The following CNTN4 variants were observed in gnomAD, a reference collection of about 807,000 sequenced individuals.
CNTN4 encodes the protein contactin 4.
A neutral mutation model predicts 122.5 loss-of-function variants in CNTN4; 77 were observed. That is an observed-to-expected ratio of 0.63 (90% CI 0.52 to 0.76). The LOEUF (loss-of-function observed/expected upper bound fraction) is 0.76, where lower values mean the gene tolerates loss of function less well. Among genes scored for constraint, CNTN4 ranks in the 30% least tolerant of loss-of-function variants. CNTN4 has a pLI of 0.00. For synonymous variants in CNTN4, 512 were observed against 447.0 expected (o/e 1.15, Z -1.83); for missense variants, 1,256 against 1,259.1 (o/e 1.00, Z 0.04).
At chr3:2,114,418 T>G (rs2727903) in intron 2 of CNTN4, among the ~76,000 whole-genome samples, 1 of 151,978 alleles carries the variant, frequency 6.6e-6, no homozygotes, top group African/African-American at 2.4e-5. Context: ...TGTGATCCTG[T>G]CACTGCACTC....
chr3:2,762,060 C>A (rs781429867), intron 6 of CNTN4, among the ~76,000 whole-genome samples: 5 of 152,128 alleles, frequency 3.3e-5, no homozygotes, highest in Non-Finnish European at 7.4e-5. Flanking sequence ...GATATGAAGT[C>A]TACATCCAGT....
Position 2,232,073 on chromosome 3 carries a change from G to A in CNTN4, c.-144-107105G>A, listed in dbSNP as rs141770822. ...ACACATGTACTTTTCTTAAACCTTC[G>A]TGAATATGACTCTCTTCTGAGACCT... is the stretch of plus-strand genomic sequence containing the variant. On this transcript the variant is annotated intron_variant, in intron 2 of 24. Transcript: ENST00000418658. 3.7e-4 allele frequency among the ~76,000 whole-genome samples: 56 copies of A among 152,058 alleles called. No homozygotes were observed. The Middle Eastern group carries it at 0.01, about 28-fold the overall frequency.
intron 19 of CNTN4, chr3:3,039,465 A>G (rs1699943976): frequency 5.7e-6 from 1 of 176,208 alleles, no homozygotes; most frequent in African/African-American, 2.4e-5. Flanking sequence ...CAATTTATTA[A>G]AAATTGGCTT....
At chr3:2,260,689 T>A (rs938987347) in intron 2 of CNTN4, among the ~76,000 whole-genome samples, 5 of 151,614 alleles carry the variant, frequency 3.3e-5, no homozygotes, top group East Asian at 3.9e-4. Flanking sequence ...CATTACAGAT[T>A]TAAGTTTTCT....
At chr3:2,455,720 C>G (rs4539922) in intron 3 of CNTN4, among the ~76,000 whole-genome samples, 2 of 151,838 alleles carry the variant, frequency 1.3e-5, no homozygotes, top group Non-Finnish European at 2.9e-5. Flanking sequence ...CTTGCCTCTT[C>G]GGGTAGTCAT....
chr3:2,998,883 A>G (rs902714125), intron 14 of CNTN4, among the ~76,000 whole-genome samples: 4 of 152,354 alleles, frequency 2.6e-5, no homozygotes, highest in South Asian at 2.1e-4. Flanking sequence ...CAACTTCAGT[A>G]GAAATTTTGC....
chr3:2,672,455 C>G (rs762719180), intron 4 of CNTN4, among the ~76,000 whole-genome samples: 1 of 152,192 alleles, frequency 6.6e-6, no homozygotes. Context: ...TTTCTAAGAC[C>G]GTCAGAAAAG....
At chr3:2,362,472 G>A (rs989283254) in intron 3 of CNTN4, 6 of 465,988 alleles carry the variant, frequency 1.3e-5, no homozygotes, top group Non-Finnish European at 2.6e-5. Flanking sequence ...ATGAGGACTA[G>A]CAGTGTCTTG....
At chr3:2,355,449 C>T (rs1410895751) in intron 3 of CNTN4, among the ~76,000 whole-genome samples, 2 of 152,086 alleles carry the variant, frequency 1.3e-5, no homozygotes, top group Non-Finnish European at 2.9e-5. Flanking sequence ...ATTTAGTTTA[C>T]CTGAAGGATA....
chr3:2,307,756 T>C (rs200359926), intron 2 of CNTN4, among the ~76,000 whole-genome samples: 1 of 152,224 alleles, frequency 6.6e-6, no homozygotes, highest in South Asian at 2.1e-4. Flanking sequence ...CTTGCTTTAC[T>C]TGAATAATCT....
intron 3 of CNTN4, among the ~76,000 whole-genome samples, chr3:2,488,980 A>G (rs562421184): frequency 5.9e-5 from 9 of 152,246 alleles, no homozygotes; most frequent in Admixed American, 2.6e-4. Flanking sequence ...CAAATCATTC[A>G]TCTCTGCATC....
At chr3:2,604,381 T>G (rs2081174164) in intron 4 of CNTN4, among the ~76,000 whole-genome samples, 1 of 152,168 alleles carries the variant, frequency 6.6e-6, no homozygotes, top group Admixed American at 6.6e-5. Flanking sequence ...GCTCCTTCTA[T>G]GTAAGGTACC....
At chr3:2,721,567 G>GCA (rs1484565559) in intron 4 of CNTN4, among the ~76,000 whole-genome samples, 2 of 152,172 alleles carry the variant, frequency 1.3e-5, no homozygotes, top group Non-Finnish European at 2.9e-5. Flanking sequence ...ACCTACTGCT[G>GCA]TGTGCATATG....
intron 3 of CNTN4, among the ~76,000 whole-genome samples, chr3:2,448,747 C>G (rs560229246): frequency 2.0e-5 from 3 of 152,232 alleles, no homozygotes; most frequent in Non-Finnish European, 2.9e-5. Context: ...ATGTTACTTC[C>G]TCTGTTAACT....
chr3:2,115,445 T>C (rs2033283963), intron 2 of CNTN4, among the ~76,000 whole-genome samples: 1 of 152,188 alleles, frequency 6.6e-6, no homozygotes, highest in Non-Finnish European at 1.5e-5. Flanking sequence ...GAAATGGAGG[T>C]TCTTCCAGGT....
At chr3:2,924,483 T>C (rs558381524) in intron 12 of CNTN4, among the ~76,000 whole-genome samples, 2 of 152,204 alleles carry the variant, frequency 1.3e-5, no homozygotes, top group Non-Finnish European at 2.9e-5. Context: ...AAGAAATGAA[T>C]CCTTCCATTC....
At chr3:2,731,520 T>G (rs933899951) in intron 4 of CNTN4, among the ~76,000 whole-genome samples, 2 of 152,236 alleles carry the variant, frequency 1.3e-5, no homozygotes, top group East Asian at 3.9e-4. Flanking sequence ...ATCAATGGTC[T>G]GGAATCCACA....
chr3:2,706,719 A>T (rs2086763503), intron 4 of CNTN4, among the ~76,000 whole-genome samples: 1 of 152,156 alleles, frequency 6.6e-6, no homozygotes, highest in South Asian at 2.1e-4. Flanking sequence ...ATTCTCTTTT[A>T]ACTTTGCTGC....
intron 3 of CNTN4, among the ~76,000 whole-genome samples, chr3:2,397,178 C>G (rs1254028589): frequency 6.6e-6 from 1 of 152,058 alleles, no homozygotes; most frequent in Non-Finnish European, 1.5e-5. Context: ...AATAATGCAC[C>G]ATGGATTGAA....
Sources: gnomAD v4.1 joint callset for allele counts (sites outside exome capture counted in the v4.1 genomes callset) on GRCh38, gnomAD v4.1.1 for gene constraint, MANE v1.5 for transcripts, NCBI Gene and HGNC (gene_info 2026-07-23, HGNC 2026-07-21) for gene names.